MEMO1: variants seen among roughly 807,000 people sequenced by gnomAD.
MEMO1 encodes protein MEMO1.
A neutral mutation model predicts 45.2 loss-of-function variants in MEMO1; 6 were observed. The ratio of observed to expected loss-of-function variants is 0.13; its 90% CI spans 0.07 to 0.26. The LOEUF (loss-of-function observed/expected upper bound fraction) is 0.26. Ranked by LOEUF, MEMO1 falls within the 10% of genes least tolerant of loss-of-function variation. The pLI is 1.00. For synonymous variants in MEMO1, 78 were observed against 124.3 expected, an observed-to-expected ratio of 0.63 and a Z score of 2.48; for missense variants, 184 against 370.5, an observed-to-expected ratio of 0.50 and a Z score of 4.13.
Position 32,006,592 on chromosome 2 carries a change from A to C in MEMO1, c.61+3595T>G, listed in dbSNP as rs535581452. Among the ~76,000 whole-genome samples, 11 of 132,956 alleles carry C rather than the reference A, an allele frequency of 8.3e-5. No homozygotes were observed. In the South Asian group the frequency reaches 2.3e-3, roughly 27 times the overall value. 87.2% of individuals were successfully genotyped at this position (132,956 alleles called of 152,430 possible). On this transcript the variant is annotated intron_variant, in intron 2 of 9. Coordinates refer to ENST00000404530, the MANE Select transcript of MEMO1 (RefSeq NM_001301833.4). ...CCATTCTTAGCTACTGGACCTTACC[A>C]AAAAAAAAAAAAAAGGGCTGCAGCT...
chr2:31,981,451 G>C (rs1670627921), intron 2 of MEMO1, among the ~76,000 whole-genome samples: 1 of 152,164 alleles, frequency 6.6e-6, no homozygotes, highest in African/African-American at 2.4e-5. Context: ...TGGCATGAAA[G>C]CCATGTATCC....
chr2:31,936,290 A>G (rs527881761), intron 3 of MEMO1, among the ~76,000 whole-genome samples: 182 of 152,266 alleles, frequency 1.2e-3, no homozygotes, highest in African/African-American at 4.2e-3. Context: ...AAAAGCTCTT[A>G]AAGTCCTTAA....
chr2:31,915,774 ACCGGAGCAAGGTGTTCTCTGCC>A (rs1681347465), intron 6 of MEMO1, among the ~76,000 whole-genome samples: 1 of 152,190 alleles, frequency 6.6e-6, no homozygotes, highest in Non-Finnish European at 1.5e-5. Flanking sequence ...TGTCTTGTGG[ACCGGAGCAAGGTGTTCTCTGCC>A]CCAATTCCTG....
At chr2:31,993,648 C>T (rs1015018888) in intron 2 of MEMO1, among the ~76,000 whole-genome samples, 13 of 152,172 alleles carry the variant, frequency 8.5e-5, no homozygotes, top group African/African-American at 2.9e-4. Flanking sequence ...AACCTGCCCA[C>T]GCACAGGGTA....
At chr2:31,940,188 G>A (rs1241830473) in intron 3 of MEMO1, among the ~76,000 whole-genome samples, 8 of 152,098 alleles carry the variant, frequency 5.3e-5, no homozygotes, top group Non-Finnish European at 1.2e-4. Flanking sequence ...TATCCAAGGG[G>A]CTAGTCCTTG....
At chr2:31,933,248 T>G (rs1370334272) in intron 3 of MEMO1, among the ~76,000 whole-genome samples, 1 of 140,082 alleles carries the variant, frequency 7.1e-6, no homozygotes, top group African/African-American at 2.7e-5. Context: ...TAAGCCAAGT[T>G]CTATATTACA....
chr2:31,970,357 T>C (rs919474611), intron 2 of MEMO1, among the ~76,000 whole-genome samples: 8 of 152,176 alleles, frequency 5.3e-5, no homozygotes, highest in African/African-American at 1.9e-4. Flanking sequence ...GCTACAGTAA[T>C]CTTATTATGG....
At chr2:32,001,131 C>T (rs926161614) in intron 2 of MEMO1, among the ~76,000 whole-genome samples, 2 of 151,190 alleles carry the variant, frequency 1.3e-5, no homozygotes, top group Admixed American at 1.3e-4. Flanking sequence ...CGCCGCCTCC[C>T]GGGTTCATGC....
At chr2:31,963,388 T>C (rs1324316282) in intron 2 of MEMO1, 8 of 1,082,788 alleles carry the variant, frequency 7.4e-6, no homozygotes, top group East Asian at 3.2e-5. Context: ...CACTGACTAA[T>C]ACTCCAAGAA....
chr2:31,977,150 T>A (rs1670097398), intron 2 of MEMO1, among the ~76,000 whole-genome samples: 1 of 151,966 alleles, frequency 6.6e-6, no homozygotes, highest in African/African-American at 2.4e-5. Context: ...AAAGAAGCCA[T>A]GAACAAAAGC....
At chr2:31,945,973 G>A (rs760994698) in intron 2 of MEMO1, among the ~76,000 whole-genome samples, 25 of 152,300 alleles carry the variant, frequency 1.6e-4, no homozygotes, top group Non-Finnish European at 3.4e-4. Context: ...ATGTAAGGGT[G>A]AGCATTCTTT....
intron 2 of MEMO1, among the ~76,000 whole-genome samples, chr2:31,980,791 G>A (rs966001946): frequency 3.3e-5 from 5 of 152,086 alleles, no homozygotes; most frequent in African/African-American, 1.2e-4. Flanking sequence ...GTAACTTCTA[G>A]TCACTTCTGC....
At chr2:31,927,053 G>C (rs1258674427) in intron 4 of MEMO1, among the ~76,000 whole-genome samples, 1 of 151,930 alleles carries the variant, frequency 6.6e-6, no homozygotes, top group African/African-American at 2.4e-5. Context: ...ATATTCGGCT[G>C]GGTGCGGTGG....
At chr2:31,962,808 C>T (rs987555861) in intron 2 of MEMO1, among the ~76,000 whole-genome samples, 5 of 152,140 alleles carry the variant, frequency 3.3e-5, no homozygotes, top group African/African-American at 1.2e-4. Flanking sequence ...TTAACTGGAC[C>T]AGAGGGTGCC....
intron 7 of MEMO1, among the ~76,000 whole-genome samples, 166 bp from the exon 8 acceptor site, chr2:31,883,628 T>C (rs1052295776): frequency 4.6e-5 from 7 of 152,052 alleles, no homozygotes; most frequent in Non-Finnish European, 7.4e-5. Context: ...AAAGGCACAT[T>C]TGGGAAGGTA....
intron 2 of MEMO1, among the ~76,000 whole-genome samples, chr2:31,970,550 C>A (rs1669262281): frequency 6.6e-6 from 1 of 151,930 alleles, no homozygotes; most frequent in South Asian, 2.1e-4. Flanking sequence ...CTTAGGTTTA[C>A]TATCTGTTAT....
chr2:31,954,456 A>G (rs928050646), intron 2 of MEMO1, among the ~76,000 whole-genome samples: 1 of 152,094 alleles, frequency 6.6e-6, no homozygotes, highest in South Asian at 2.1e-4. Flanking sequence ...GTAAAAATTA[A>G]TTTTTTTAAA....
chr2:31,999,543 GC>G, intron 2 of MEMO1, among the ~76,000 whole-genome samples: 1 of 152,214 alleles, frequency 6.6e-6, no homozygotes, highest in South Asian at 2.1e-4. Context: ...GCTGGTGCCT[GC>G]CTGTAGTCCC....
chr2:31,995,450 T>C (rs956561875), intron 2 of MEMO1, among the ~76,000 whole-genome samples: 2 of 151,862 alleles, frequency 1.3e-5, no homozygotes, highest in East Asian at 3.9e-4. Context: ...TGAGATTCTA[T>C]CTCAAAAAAA....
Sources: allele counts gnomAD v4.1 joint callset (sites outside exome capture counted in the v4.1 genomes callset), GRCh38; gene constraint gnomAD v4.1.1; transcripts MANE v1.5; gene names NCBI Gene and HGNC (gene_info 2026-07-23, HGNC 2026-07-21).